USP34: variants seen among roughly 807,000 people sequenced by gnomAD.
USP34 encodes the protein ubiquitin carboxyl-terminal hydrolase 34.
In USP34, 70 loss-of-function variants were observed where a neutral mutation model predicts 460.3. The ratio of observed to expected loss-of-function variants is 0.15; its 90% CI spans 0.13 to 0.19. The LOEUF (loss-of-function observed/expected upper bound fraction) is 0.19, where lower values mean the gene tolerates loss of function less well. Among genes scored for constraint, USP34 ranks in the 10% least tolerant of loss-of-function variants. The pLI, the probability that USP34 is intolerant of heterozygous loss-of-function variation, is 1.00. For missense variants in USP34, 3,985 were observed against 4,236.2 expected (o/e 0.94, Z 1.65); for synonymous variants, 1,647 against 1,405.3 (o/e 1.17, Z -3.85).
chr2:61,267,036 A>G (rs1243590570), intron 41 of USP34, among the ~76,000 whole-genome samples: 2 of 152,230 alleles, frequency 1.3e-5, no homozygotes, highest in African/African-American at 2.4e-5. Context: ...AAGGACTCCT[A>G]GGCTCAAGAG....
intron 21 of USP34, among the ~76,000 whole-genome samples, chr2:61,324,227 T>C (rs1236582062): frequency 6.6e-6 from 1 of 152,246 alleles, no homozygotes. Context: ...CGTTCCTCTC[T>C]TGTGAGACCA....
chr2:61,274,258 T>TG (rs1689306861), intron 41 of USP34, among the ~76,000 whole-genome samples: 2 of 151,796 alleles, frequency 1.3e-5, no homozygotes, highest in Non-Finnish European at 2.9e-5. Flanking sequence ...GGCATGGTGG[T>TG]GCATGCCTGT....
intron 20 of USP34, among the ~76,000 whole-genome samples, chr2:61,329,403 A>T (rs1454363359): frequency 1.3e-5 from 2 of 152,184 alleles, no homozygotes; most frequent in Non-Finnish European, 2.9e-5. Flanking sequence ...CTGCTTCAAT[A>T]GGAAAAAAGA....
intron 15 of USP34, among the ~76,000 whole-genome samples, chr2:61,345,727 T>C (rs1481833827): frequency 6.6e-6 from 1 of 152,202 alleles, no homozygotes; most frequent in Admixed American, 6.5e-5. Context: ...CTTGATCTCC[T>C]GGACTCAAGC....
intron 10 of USP34, among the ~76,000 whole-genome samples, chr2:61,359,468 A>T (rs1692208896): frequency 6.6e-6 from 1 of 152,226 alleles, no homozygotes; most frequent in African/African-American, 2.4e-5. Context: ...TAAAAGAAAA[A>T]TCTTTTTTTA....
chr2:61,248,294 T>C (rs937223845), intron 49 of USP34, among the ~76,000 whole-genome samples: 4 of 151,942 alleles, frequency 2.6e-5, no homozygotes, highest in Admixed American at 2.6e-4. Context: ...TTCACCACTG[T>C]GTCTCCAGTA....
At chr2:61,304,463 C>A (rs1314455880) in intron 27 of USP34, among the ~76,000 whole-genome samples, 1 of 152,148 alleles carries the variant, frequency 6.6e-6, no homozygotes, top group East Asian at 1.9e-4. Flanking sequence ...TATGTCGAAT[C>A]CTAATTACCA....
chr2:61,296,097 A>G (rs920787054), intron 30 of USP34, among the ~76,000 whole-genome samples: 5 of 152,084 alleles, frequency 3.3e-5, no homozygotes, highest in African/African-American at 1.2e-4. Context: ...TGTCTCTACT[A>G]AAAATACAAA....
intron 59 of USP34, among the ~76,000 whole-genome samples, 169 bp downstream of exon 59, chr2:61,229,379 T>C (rs1255135144): frequency 2.0e-5 from 3 of 146,850 alleles, no homozygotes; most frequent in Non-Finnish European, 4.5e-5. Flanking sequence ...CCTAGCAATT[T>C]GGGAGGCCGA....
At chr2:61,386,805 A>C (rs1693159247) in intron 5 of USP34, among the ~76,000 whole-genome samples, 1 of 152,162 alleles carries the variant, frequency 6.6e-6, no homozygotes, top group African/African-American at 2.4e-5. Flanking sequence ...AACAAACAAA[A>C]AAAACTTTGT....
chr2:61,314,223 T>C (rs1350545146), intron 25 of USP34, among the ~76,000 whole-genome samples: 2 of 152,016 alleles, frequency 1.3e-5, no homozygotes, highest in African/African-American at 4.8e-5. Context: ...ATGAGATTAT[T>C]TGATGTTCTT....
At chr2:61,397,351 G>A (rs911900998) in intron 3 of USP34, among the ~76,000 whole-genome samples, 2 of 151,578 alleles carry the variant, frequency 1.3e-5, no homozygotes, top group East Asian at 1.9e-4. Context: ...GCTGATGCAG[G>A]AGAACTGCTT....
chr2:61,238,057 A>C (rs1261782669), intron 53 of USP34, among the ~76,000 whole-genome samples: 1 of 151,424 alleles, frequency 6.6e-6, no homozygotes. Context: ...CACCATACCC[A>C]GTTAATTTTT....
intron 20 of USP34, 95 bp from the exon 21 acceptor site, chr2:61,325,552 G>T: frequency 1.5e-6 from 1 of 661,574 alleles, no homozygotes; most frequent in African/African-American, 1.9e-5. Flanking sequence ...ACCAAAAATT[G>T]TTTTAATAAT....
intron 2 of USP34, among the ~76,000 whole-genome samples, chr2:61,414,488 T>C (rs545265424): frequency 6.6e-5 from 10 of 152,270 alleles, no homozygotes; most frequent in African/African-American, 2.4e-4. Flanking sequence ...TCCCCTTGTA[T>C]CCTCTCTCAG....
chr2:61,376,278 T>A (rs551133214), intron 8 of USP34, among the ~76,000 whole-genome samples: 3 of 152,134 alleles, frequency 2.0e-5, no homozygotes, highest in South Asian at 4.1e-4. Flanking sequence ...ACATGCTTTT[T>A]CTGTTTACTC....
chr2:61,436,892 C>A (rs1694828652), intron 1 of USP34, among the ~76,000 whole-genome samples: 1 of 152,142 alleles, frequency 6.6e-6, no homozygotes, highest in African/African-American at 2.4e-5. Context: ...AAGAGAAATG[C>A]TGGAAACTAT....
chr2:61,376,291 A>G (rs1376341084), intron 8 of USP34, among the ~76,000 whole-genome samples: 2 of 152,106 alleles, frequency 1.3e-5, no homozygotes, highest in East Asian at 1.9e-4. Flanking sequence ...GTTTACTCCA[A>G]TTTTCTCACA....
intron 41 of USP34, among the ~76,000 whole-genome samples, chr2:61,275,393 G>A (rs1689341978): frequency 1.3e-5 from 2 of 152,178 alleles, no homozygotes; most frequent in African/African-American, 4.8e-5. Flanking sequence ...AAGACGGGAG[G>A]ATCACTTAAG....
Sources: gnomAD v4.1 joint callset for allele counts (sites outside exome capture counted in the v4.1 genomes callset) on GRCh38, gnomAD v4.1.1 for gene constraint, MANE v1.5 for transcripts, NCBI Gene and HGNC (gene_info 2026-07-23, HGNC 2026-07-21) for gene names.